EAF1: variants seen among roughly 807,000 people sequenced by gnomAD.
EAF1 encodes ELL-associated factor 1.
EAF1 carries 19 observed loss-of-function variants against 26.6 expected under a neutral mutation model. The observed-to-expected ratio is 0.71, with a 90% CI of 0.50 to 1.05. The LOEUF (loss-of-function observed/expected upper bound fraction) is 1.05. EAF1 is among the 50% of genes least tolerant of loss of function. EAF1 has a pLI of 0.00. For synonymous variants in EAF1, 102 were observed against 120.6 expected (o/e 0.85, Z 1.01); for missense variants, 260 against 335.5 (o/e 0.78, Z 1.76).
chr3:15,428,167 C>T (rs547939720), intron 1 of EAF1, among the ~76,000 whole-genome samples: 1 of 151,162 alleles, frequency 6.6e-6, no homozygotes, highest in South Asian at 2.1e-4. Context: ...CTCCCCGCCC[C>T]CAACCTCGCC....
intron 3 of EAF1, among the ~76,000 whole-genome samples, chr3:15,432,637 A>G (rs1252788908): frequency 6.6e-6 from 1 of 152,336 alleles, no homozygotes; most frequent in East Asian, 1.9e-4. Flanking sequence ...TAATACCAAA[A>G]TAAAACTTTG....
intron 2 of EAF1, 67 bp downstream of exon 2, chr3:15,430,074 A>G: frequency 8.6e-7 from 1 of 1,168,878 alleles, no homozygotes; most frequent in Non-Finnish European, 1.2e-6. Context: ...ATATTATTGC[A>G]ATTTAAACTT....
chr3:15,431,556 C>A (rs2061802231), intron 2 of EAF1, among the ~76,000 whole-genome samples: 1 of 152,142 alleles, frequency 6.6e-6, no homozygotes, highest in Non-Finnish European at 1.5e-5. Context: ...AGTGCAAGGC[C>A]AAGTGGCTAG....
intron 3 of EAF1, among the ~76,000 whole-genome samples, chr3:15,432,523 G>A (rs2061807730): frequency 6.6e-6 from 1 of 152,008 alleles, no homozygotes; most frequent in Admixed American, 6.6e-5. Flanking sequence ...ACCACCTAAG[G>A]GATAAGATAA....
Position 15,432,124 on chromosome 3 carries a change from A to G in EAF1, c.236A>G (p.Lys79Arg). 1 of 1,614,166 alleles carries G rather than the reference A, an allele frequency of 6.2e-7. No individual in the cohort carries two copies. Residue 79 changes from lysine to arginine, a missense_variant, in exon 3 of 6, where the codon AAA (lysine) becomes AGA (arginine). Lys to Arg is a conservative substitution (Grantham distance 26). Coordinates refer to ENST00000396842, the MANE Select transcript of EAF1 (RefSeq NM_033083.7). The stretch of plus-strand genomic sequence containing the variant: ...CCCATGACTGTGTTCAAGGGGAACA[A>G]ACGGCCTTACCAGAAAGACTGTGTG... ...TPPMTVFKGN[K>R]RPYQKDCVLI... is the part of the protein sequence containing the mutation.
intron 2 of EAF1, among the ~76,000 whole-genome samples, chr3:15,431,541 C>T (rs2061802127): frequency 6.6e-6 from 1 of 152,188 alleles, no homozygotes; most frequent in Non-Finnish European, 1.5e-5. Flanking sequence ...AGGGAAGGGC[C>T]CGGTAGTGCA....
At position 15,432,157 on chromosome 3, in the gene EAF1, T is replaced by C. The variant is rs2061805604; in HGVS notation, c.269T>C (p.Ile90Thr). 6.2e-7 allele frequency: 1 copy of C among 1,614,158 alleles called. No individual in the cohort carries two copies. The highest frequency in any genetic ancestry group is 2.2e-5 in the East Asian group (1 of 44,874). Reference protein sequence around the residue: ...RPYQKDCVLIINHDTGEYVLE... With the variant: ...RPYQKDCVLITNHDTGEYVLE... ...TACCAGAAAGACTGTGTGCTTATTATTAATCATGACACTGGTGAATATGTG... is the reference window on the plus strand; with the variant it reads ...TACCAGAAAGACTGTGTGCTTATTACTAATCATGACACTGGTGAATATGTG... Residue 90 changes from isoleucine to threonine, a missense_variant, in exon 3 of 6, where the codon ATT becomes ACT. Ile to Thr is a moderately conservative substitution (Grantham distance 89). Coordinates refer to ENST00000396842, the MANE Select transcript of EAF1 (RefSeq NM_033083.7).
At chr3:15,432,275 T>G in intron 3 of EAF1, 52 bp downstream of exon 3, 1 of 1,599,932 alleles carries the variant, frequency 6.3e-7, no homozygotes, top group Non-Finnish European at 8.5e-7. Context: ...ACCTCTGTTA[T>G]CTATTCAGTT....
At chr3:15,438,088 GA>G (rs2061845663) in intron 5 of EAF1, among the ~76,000 whole-genome samples, 1 of 152,166 alleles carries the variant, frequency 6.6e-6, no homozygotes, top group South Asian at 2.1e-4. Flanking sequence ...AGACCCCCCT[GA>G]AAGGGTTTCA....
intron 3 of EAF1, among the ~76,000 whole-genome samples, 179 bp downstream of exon 3, chr3:15,432,402 T>A (rs1449917462): frequency 6.6e-6 from 1 of 152,104 alleles, no homozygotes; most frequent in East Asian, 1.9e-4. Context: ...CTTCCTCAAA[T>A]GCAATAAAAA....
Position 15,439,260 on chromosome 3 carries a change from C to T in EAF1, c.*105C>T, listed in dbSNP as rs2061852906. 1 of 1,129,860 alleles carries T rather than the reference C, an allele frequency of 8.9e-7. No individual in the cohort carries two copies. The highest frequency in any genetic ancestry group is 1.3e-6 in the Non-Finnish European group (1 of 771,190). 70.0% of individuals were successfully genotyped at this position (1,129,860 alleles called of 1,614,324 possible). On this transcript the variant is annotated 3_prime_UTR_variant, in exon 6 of 6. Transcript: ENST00000396842. ...AGAGGAAAATGTTATGGATCAGTGA[C>T]TGTAGTAGGAGTTTGAGGCTCTGGA...
Position 15,439,017 on chromosome 3 carries a change from A to G in EAF1, c.761-92A>G, listed in dbSNP as rs2061851289. The G allele has an allele frequency of 2.4e-6, 3 of 1,250,958 alleles. No individual in the cohort carries two copies. The South Asian group carries it at 4.1e-5, about 17-fold the overall frequency. 77.5% of individuals were successfully genotyped at this position (1,250,958 alleles called of 1,614,324 possible). On this transcript the variant is annotated intron_variant, in intron 5 of 5. Coordinates refer to ENST00000396842, the MANE Select transcript of EAF1 (RefSeq NM_033083.7). ...AGGTTTTACTGTAGTGTGATAGCCA[A>G]GGCAATTAACAAAAAATTATGAGGA...
rs779702701 is a variant in EAF1 at position 15,434,457 on chromosome 3, A to G, written c.445A>G (p.Thr149Ala). ...PPPPMPFRAP[T>A]KPPVGPKTSP... ...ACCACCTATGCCATTCAGAGCTCCA[A>G]CGAAGCCTCCAGTTGGACCCAAAAC... Residue 149 changes from threonine to alanine, a missense_variant, in exon 4 of 6, where the codon ACG becomes GCG. Coordinates refer to ENST00000396842, the MANE Select transcript of EAF1 (RefSeq NM_033083.7). The G allele has an allele frequency of 3.1e-6, 5 of 1,614,184 alleles. No individual in the cohort carries two copies. Among genetic ancestry groups the G allele is most frequent in the Non-Finnish European group, 3.4e-6 (4 of 1,180,020 alleles).
At chr3:15,428,595 C>T (rs2061774798) in intron 1 of EAF1, among the ~76,000 whole-genome samples, 1 of 152,010 alleles carries the variant, frequency 6.6e-6, no homozygotes, top group African/African-American at 2.4e-5. Context: ...AAAGATTGGT[C>T]TACGTTTGGA....
At position 15,440,619 on chromosome 3, in the gene EAF1, G is replaced by A. The variant is rs1048593629; in HGVS notation, c.*1464G>A. On this transcript the variant is annotated 3_prime_UTR_variant, in exon 6 of 6. Transcript: ENST00000396842. ...AGGAAATAGGTGGTCTGTCATAGGG[G>A]CTTTCATTAGAGTTAAACTTCATAG... 1 of 152,404 alleles carries A rather than the reference G, an allele frequency of 6.6e-6. No homozygotes were observed. Among genetic ancestry groups the A allele is most frequent in the Non-Finnish European group, 1.5e-5 (1 of 68,030 alleles). 9.4% of individuals were successfully genotyped at this position (152,404 alleles called of 1,614,324 possible).
At position 15,434,651 on chromosome 3, in the gene EAF1, C is replaced by A; in HGVS notation, c.526+113C>A. 3.1e-6 allele frequency: 4 copies of A among 1,273,278 alleles called. No homozygotes were observed. The South Asian group carries it at 4.2e-5, about 13-fold the overall frequency. 78.9% of individuals were successfully genotyped at this position (1,273,278 alleles called of 1,614,324 possible). A position where few individuals can be genotyped will look rare whatever the true frequency, so the allele number is the denominator to read the frequency against. On this transcript the variant is annotated intron_variant, in intron 4 of 5. Transcript: ENST00000396842. The stretch of plus-strand genomic sequence containing the variant: ...CAGTGGCTGGGGCATTCAATGCCAT[C>A]AAAAAAATGTCTGCAGAGCTCACTG...
intron 5 of EAF1, 71 bp from the exon 6 acceptor site, chr3:15,439,038 G>T: frequency 6.9e-7 from 1 of 1,455,270 alleles, no homozygotes; most frequent in South Asian, 1.2e-5. Context: ...AAAAAATTAT[G>T]AGGAAGTCAT....
chr3:15,432,743 A>G (rs1424548255), intron 3 of EAF1, among the ~76,000 whole-genome samples: 1 of 152,130 alleles, frequency 6.6e-6, no homozygotes, highest in Non-Finnish European at 1.5e-5. Flanking sequence ...AATTCATTCT[A>G]TAAATAGAAA....
intron 2 of EAF1, among the ~76,000 whole-genome samples, chr3:15,431,762 T>G (rs1234729663): frequency 6.6e-6 from 1 of 152,190 alleles, no homozygotes; most frequent in African/African-American, 2.4e-5. Context: ...TCACTCACAG[T>G]TTTACTATAC....
Sources: allele counts gnomAD v4.1 joint callset (sites outside exome capture counted in the v4.1 genomes callset), GRCh38; gene constraint gnomAD v4.1.1; transcripts MANE v1.5; gene names NCBI Gene and HGNC (gene_info 2026-07-23, HGNC 2026-07-21).